IVD: variants seen among roughly 807,000 people sequenced by gnomAD.
The protein encoded by IVD is isovaleryl-CoA dehydrogenase, mitochondrial.
A neutral mutation model predicts 51.3 loss-of-function variants in IVD; 31 were observed. That is an observed-to-expected ratio of 0.60 (90% CI 0.45 to 0.81). The LOEUF is 0.81. IVD is among the 40% of genes least tolerant of loss of function. The pLI is 0.00. For missense variants in IVD, 475 were observed against 552.0 expected, an observed-to-expected ratio of 0.86 and a Z score of 1.40; for synonymous variants, 205 against 219.4, an observed-to-expected ratio of 0.93 and a Z score of 0.58.
downstream of IVD, among the ~76,000 whole-genome samples, chr15:40,422,585 CTTT>C (rs1157351420): frequency 9.0e-4 from 62 of 69,120 alleles, no homozygotes; most frequent in Middle Eastern, 0.01. Context: ...GCCCGGCCGA[CTTT>C]TTTTTTTTTT....
At chr15:40,406,129 C>T (rs774349717) in intron 1 of IVD, 158 bp downstream of exon 1, 23 of 1,538,232 alleles carry the variant, frequency 1.5e-5, no homozygotes, top group South Asian at 2.4e-5. Context: ...GACGCGGGGC[C>T]TCCGACCTCG....
Position 40,421,082 on chromosome 15 carries a change from C to A in IVD, c.*2819C>A, listed in dbSNP as rs1028618572. On this transcript the variant is annotated 3_prime_UTR_variant, in exon 12 of 12. Transcript: ENST00000487418. The stretch of plus-strand genomic sequence containing the variant: ...CTGGGCTCATAGGCAGTCCCTTTCA[C>A]TTCCTTGTCTTGCTCCCTGCTATGT... The A allele has an allele frequency of 1.0e-5, 10 of 985,446 alleles. No individual in the cohort carries two copies. In the African/African-American group the frequency reaches 1.7e-4, roughly 17 times the overall value. The allele number at this position is 985,446 out of a possible 1,614,324, so 61.0% of individuals were successfully genotyped here.
Position 40,420,343 on chromosome 15 carries a change from C to T in IVD, c.*2080C>T. ...AGGCCGGAGTTGGCTCGCATGACTC[C>T]AGCTGAGGCTGCCTGTGTACATTTC... is the stretch of plus-strand genomic sequence containing the variant. On this transcript the variant is annotated 3_prime_UTR_variant, in exon 12 of 12. Transcript: ENST00000487418. 1 of 987,698 alleles carries T rather than the reference C, an allele frequency of 1.0e-6. No individual in the cohort carries two copies. Among genetic ancestry groups the T allele is most frequent in the Non-Finnish European group, 1.2e-6 (1 of 830,156 alleles). The allele number at this position is 987,698 out of a possible 1,614,324, so 61.2% of individuals were successfully genotyped here.
At chr15:40,435,304 C>A in intron 8 of IVD, 1 of 690,430 alleles carries the variant, frequency 1.4e-6, no homozygotes, top group Non-Finnish European at 1.8e-6. Flanking sequence ...AGGAGTGGAG[C>A]ATGGGGGTCT....
At chr15:40,431,738 C>G (rs894314907) in intron 7 of IVD, among the ~76,000 whole-genome samples, 1 of 151,986 alleles carries the variant, frequency 6.6e-6, no homozygotes, top group Non-Finnish European at 1.5e-5. Context: ...AACACAGTGC[C>G]TAACTCATGG....
chr15:40,413,981 C>T (rs998558429), intron 7 of IVD, among the ~76,000 whole-genome samples: 1 of 152,162 alleles, frequency 6.6e-6, no homozygotes, highest in African/African-American at 2.4e-5. Context: ...CTGTCTCAGC[C>T]TTCTGAGTAG....
downstream of IVD, among the ~76,000 whole-genome samples, chr15:40,427,910 G>C (rs145995515): frequency 9.9e-5 from 15 of 152,200 alleles, no homozygotes; most frequent in African/African-American, 3.6e-4. Context: ...TGCCAGGCAC[G>C]GTGGCTCATG....
Position 40,415,402 on chromosome 15 carries a change from C to G in IVD, c.880C>G (p.Leu294Val). Residue 294 changes from leucine to valine, a missense_variant and splice_region_variant, in exon 9 of 12, where the codon CTC becomes GTC. Physicochemically the swap from Leu to Val is conservative, Grantham distance 32. Coordinates refer to ENST00000487418, the MANE Select transcript of IVD (RefSeq NM_002225.5). ...CGGGGCCTTTCTCCTTTCTGACAGGCTCATGCAAGCGGTCCTGGACCACAC... is the reference window on the plus strand; with the variant it reads ...CGGGGCCTTTCTCCTTTCTGACAGGGTCATGCAAGCGGTCCTGGACCACAC... Reference protein sequence around the residue: ...RLVLAGGPLGLMQAVLDHTIP... With the variant: ...RLVLAGGPLGVMQAVLDHTIP... The G allele has an allele frequency of 6.2e-7, 1 of 1,614,032 alleles. No individual in the cohort carries two copies. The highest frequency in any genetic ancestry group is 8.5e-7 in the Non-Finnish European group (1 of 1,179,898).
chr15:40,415,288 C>G, intron 8 of IVD, 113 bp from the exon 9 acceptor site: 1 of 954,278 alleles, frequency 1.0e-6, no homozygotes. Flanking sequence ...GCAAGACTTT[C>G]TGAAGTTGCT....
chr15:40,423,250 G>A (rs1279619995), downstream of IVD, among the ~76,000 whole-genome samples: 2 of 152,058 alleles, frequency 1.3e-5, no homozygotes, highest in Admixed American at 6.5e-5. Flanking sequence ...TTAAATTTTT[G>A]TATATGCTTT....
chr15:40,416,753 C>T (rs1288399921), intron 11 of IVD, among the ~76,000 whole-genome samples: 1 of 152,196 alleles, frequency 6.6e-6, no homozygotes, highest in African/African-American at 2.4e-5. Flanking sequence ...TTATGCTAGG[C>T]CCAGCTGAGC....
Position 40,407,707 on chromosome 15 carries a change from TGAG to T in IVD, c.217_219del (p.Glu73del). 1 of 1,614,162 alleles carries T rather than the reference TGAG, an allele frequency of 6.2e-7. No individual in the cohort carries two copies. The highest frequency in any genetic ancestry group is 8.5e-7 in the Non-Finnish European group (1 of 1,180,008). Reference sequence around the variant, plus strand: ...AGGCCCAGGAGATCGATCGCAGCAATGAGTTCAAGAACCTGCGAGTGAGTTGGG... The same window carrying T: ...AGGCCCAGGAGATCGATCGCAGCAATTTCAAGAACCTGCGAGTGAGTTGGG... On this transcript the variant is annotated inframe_deletion, in exon 2 of 12. Transcript: ENST00000487418.
intron 7 of IVD, among the ~76,000 whole-genome samples, chr15:40,433,176 A>T (rs1430776320): frequency 6.6e-6 from 1 of 152,166 alleles, no homozygotes; most frequent in African/African-American, 2.4e-5. Context: ...TCTATTTTAT[A>T]TGTTAAATGC....
At chr15:40,424,921 A>G (rs1338070892), downstream of IVD, among the ~76,000 whole-genome samples, 1 of 152,206 alleles carries the variant, frequency 6.6e-6, no homozygotes, top group Non-Finnish European at 1.5e-5. Context: ...GCCTAATCCC[A>G]GCATTGGCAG....
Position 40,435,416 on chromosome 15 carries a change from G to A in IVD, c.781-1G>A, listed in dbSNP as rs1893212458. On this transcript the variant is annotated splice_acceptor_variant, in intron 8 of 8. Coordinates refer to the IVD transcript ENST00000473112. LOFTEE classifies it high-confidence loss of function. ...CTAAAAGAGGGCTCTCTTTCCCCTA[G>A]GGCAGACCTTTTCCGCCCAACACCC... The A allele has an allele frequency of 2.5e-6, 3 of 1,197,044 alleles. No individual in the cohort carries two copies. In the South Asian group the frequency reaches 4.4e-5, roughly 18 times the overall value. The allele number at this position is 1,197,044 out of a possible 1,614,324, so 74.2% of individuals were successfully genotyped here.
chr15:40,406,145 A>C, intron 1 of IVD, 174 bp downstream of exon 1: 3 of 1,539,244 alleles, frequency 1.9e-6, no homozygotes, highest in Non-Finnish European at 2.6e-6. Flanking sequence ...CCTCGGGTCC[A>C]GTCCTCTGAC....
chr15:40,418,136 A>G lies in IVD; in HGVS notation c.1145A>G (p.Asn382Ser), dbSNP rs757280718. Residue 382 changes from asparagine to serine, a missense_variant, in exon 12 of 12, where the codon AAT (asparagine) becomes AGT (serine). Asn to Ser is a conservative substitution (Grantham distance 46, BLOSUM62 1). Coordinates refer to ENST00000487418, the MANE Select transcript of IVD (RefSeq NM_002225.5). ...GCCCAAACCCTGGTTGCAGGTGGCA[A>G]TGGCTACATCAATGACTTTCCCATG... is the stretch of plus-strand genomic sequence containing the variant. ...ALDGIQCFGGNGYINDFPMGR... is the reference protein window; with the variant it reads ...ALDGIQCFGGSGYINDFPMGR... The G allele has an allele frequency of 1.9e-6, 3 of 1,614,084 alleles. No homozygotes were observed. Among genetic ancestry groups the G allele is most frequent in the East Asian group, 2.2e-5 (1 of 44,876 alleles).
chr15:40,425,899 T>G (rs1892643547), downstream of IVD, among the ~76,000 whole-genome samples: 1 of 151,684 alleles, frequency 6.6e-6, no homozygotes, highest in Non-Finnish European at 1.5e-5. Flanking sequence ...AGCCTTGACC[T>G]CCCGGGCTCA....
At chr15:40,429,424 TAAA>T (rs1892847832), downstream of IVD, among the ~76,000 whole-genome samples, 1 of 152,188 alleles carries the variant, frequency 6.6e-6, no homozygotes, top group Non-Finnish European at 1.5e-5. Context: ...GAGATAGACA[TAAA>T]AACTATGAGA....
Sources: allele counts gnomAD v4.1 joint callset (sites outside exome capture counted in the v4.1 genomes callset), GRCh38; gene constraint gnomAD v4.1.1; transcripts MANE v1.5; gene names NCBI Gene and HGNC (gene_info 2026-07-23, HGNC 2026-07-21).